Variants in PCDH15 observed in about 807,000 individuals in gnomAD.
PCDH15 encodes protocadherin-15.
In PCDH15, 129 loss-of-function variants were observed where a neutral mutation model predicts 178.5. That is an observed-to-expected ratio of 0.72 (90% CI 0.63 to 0.84). The LOEUF is 0.84. PCDH15 is among the 40% of genes least tolerant of loss of function. PCDH15 has a pLI of 0.00. For synonymous variants in PCDH15, 800 were observed against 732.0 expected (o/e 1.09, Z -1.50); for missense variants, 2,230 against 2,099.9 (o/e 1.06, Z -1.21).
chr10:54,107,323 C>G (rs74135788), intron 15 of PCDH15, among the ~76,000 whole-genome samples: 5,605 of 152,248 alleles, frequency 0.037, 331 homozygotes, highest in African/African-American at 0.13. Flanking sequence ...CTGACTTCTT[C>G]CTTCCTGATT....
At chr10:55,440,494 A>G (rs1565142073) in intron 2 of PCDH15, among the ~76,000 whole-genome samples, 1 of 152,182 alleles carries the variant, frequency 6.6e-6, no homozygotes, top group Non-Finnish European at 1.5e-5. Flanking sequence ...GACATAAGCA[A>G]AATGGTATGT....
At chr10:55,034,004 G>A (rs1400253834) in intron 2 of PCDH15, among the ~76,000 whole-genome samples, 1 of 151,756 alleles carries the variant, frequency 6.6e-6, no homozygotes, top group African/African-American at 2.4e-5. Flanking sequence ...TCCTCCTAGT[G>A]GATGTGGCCT....
chr10:55,081,756 A>T (rs1842046322), intron 2 of PCDH15, among the ~76,000 whole-genome samples: 1 of 152,198 alleles, frequency 6.6e-6, no homozygotes, highest in African/African-American at 2.4e-5. Flanking sequence ...CAGAACTGTG[A>T]GAAATATATT....
intron 21 of PCDH15, 54 bp downstream of exon 21, chr10:53,995,595 G>C: frequency 6.2e-7 from 1 of 1,613,234 alleles, no homozygotes; most frequent in Admixed American, 1.7e-5. Context: ...ATTTATGAGT[G>C]TTAAGGATTT....
chr10:54,778,875 T>C (rs1047709522), intron 1 of PCDH15, among the ~76,000 whole-genome samples: 2 of 152,010 alleles, frequency 1.3e-5, no homozygotes, highest in Admixed American at 1.3e-4. Context: ...AGTTGAGGCA[T>C]CAAAGAAAAA....
intron 1 of PCDH15, among the ~76,000 whole-genome samples, chr10:55,304,494 A>G (rs1843367932): frequency 6.6e-6 from 1 of 152,166 alleles, no homozygotes; most frequent in African/African-American, 2.4e-5. Context: ...TTAACATAAC[A>G]TGTTTTTAAG....
chr10:54,990,266 G>T (rs926381780), intron 2 of PCDH15, among the ~76,000 whole-genome samples: 16 of 152,122 alleles, frequency 1.1e-4, no homozygotes, highest in Non-Finnish European at 2.2e-4. Flanking sequence ...TTTTGTATCA[G>T]CATTTCCCAT....
At chr10:53,949,438 C>A (rs1401553733) in intron 23 of PCDH15, among the ~76,000 whole-genome samples, 1 of 152,204 alleles carries the variant, frequency 6.6e-6, no homozygotes, top group African/African-American at 2.4e-5. Flanking sequence ...AACTTATTTG[C>A]AATCAAGACA....
intron 5 of PCDH15, among the ~76,000 whole-genome samples, chr10:54,349,335 C>G (rs895883694): frequency 1.3e-5 from 2 of 152,058 alleles, no homozygotes; most frequent in African/African-American, 4.8e-5. Context: ...GTTTGCCACT[C>G]TTAATCAAGA....
intron 15 of PCDH15, among the ~76,000 whole-genome samples, chr10:54,110,097 G>C (rs1590511723): frequency 1.3e-5 from 2 of 152,128 alleles, no homozygotes; most frequent in Non-Finnish European, 2.9e-5. Context: ...TTGGTAATAA[G>C]TTTGTCTGCG....
chr10:54,960,229 C>T (rs1484817912), intron 2 of PCDH15, among the ~76,000 whole-genome samples: 4 of 151,924 alleles, frequency 2.6e-5, no homozygotes, highest in Non-Finnish European at 5.9e-5. Context: ...CAATCTTTGC[C>T]CAATAATTCA....
At chr10:54,994,189 G>T (rs541569835) in intron 2 of PCDH15, among the ~76,000 whole-genome samples, 2 of 151,950 alleles carry the variant, frequency 1.3e-5, no homozygotes, top group Admixed American at 6.6e-5. Context: ...CCGCAACCTG[G>T]CTTCACCTTA....
rs1197854489 is a variant in PCDH15 at position 53,840,279 on chromosome 10, T to C, written c.3983+41A>G. 7 of 1,584,636 alleles carry C rather than the reference T, an allele frequency of 4.4e-6. No homozygotes were observed. In the Admixed American group the frequency reaches 8.3e-5, roughly 19 times the overall value. On this transcript the variant is annotated intron_variant, in intron 29 of 37. Transcript: ENST00000644397. ...AAGTCAGAATCATCTATGGTTGCTA[T>C]TGTAACCAAAGAGCTGTTACAGATA...
chr10:55,552,693 GA>G (rs1303479743), intron 2 of PCDH15, among the ~76,000 whole-genome samples: 3 of 151,080 alleles, frequency 2.0e-5, no homozygotes, highest in African/African-American at 7.3e-5. Context: ...TTTAGTGAGT[GA>G]ATTCCAATTC....
chr10:54,666,467 C>G (rs1451207248), intron 1 of PCDH15, among the ~76,000 whole-genome samples: 2 of 152,002 alleles, frequency 1.3e-5, no homozygotes, highest in African/African-American at 4.8e-5. Flanking sequence ...TATGGAGGCC[C>G]AGGAGAGCCT....
chr10:54,867,197 CAG>C (rs1564584507), intron 3 of PCDH15, among the ~76,000 whole-genome samples: 1 of 152,114 alleles, frequency 6.6e-6, no homozygotes, highest in Non-Finnish European at 1.5e-5. Flanking sequence ...TGAGAATAAA[CAG>C]TGTGCTTTCA....
At chr10:55,469,692 A>C (rs1392816450) in intron 2 of PCDH15, among the ~76,000 whole-genome samples, 46 of 151,970 alleles carry the variant, frequency 3.0e-4, no homozygotes, top group Admixed American at 3.0e-3. Flanking sequence ...CTTCTACTTA[A>C]GGGGTTTTCA....
At chr10:54,688,193 A>T (rs16906406) in intron 1 of PCDH15, among the ~76,000 whole-genome samples, 5,410 of 152,212 alleles carry the variant, frequency 0.036, 343 homozygotes, top group African/African-American at 0.12. Flanking sequence ...ATTAATGTGC[A>T]AAGAGTAGAA....
At chr10:54,662,293 GA>G (rs1555133609) in intron 2 of PCDH15, among the ~76,000 whole-genome samples, 1 of 151,816 alleles carries the variant, frequency 6.6e-6, no homozygotes, top group Non-Finnish European at 1.5e-5. Flanking sequence ...ACAAACATAT[GA>G]AAAAACATTC....
Sources: gnomAD v4.1 joint callset for allele counts (sites outside exome capture counted in the v4.1 genomes callset) on GRCh38, gnomAD v4.1.1 for gene constraint, MANE v1.5 for transcripts, NCBI Gene and HGNC (gene_info 2026-07-23, HGNC 2026-07-21) for gene names.